The following KHDRBS2 variants were observed in gnomAD, a reference collection of about 807,000 sequenced individuals.
The protein encoded by KHDRBS2 is KH RNA binding domain containing, signal transduction associated 2, also known as KH domain-containing, RNA-binding, signal transduction-associated protein 2.
A neutral mutation model predicts 44.3 loss-of-function variants in KHDRBS2; 26 were observed. The ratio of observed to expected loss-of-function variants is 0.59; its 90% confidence interval spans 0.43 to 0.81. The LOEUF is 0.81. Among genes scored for constraint, KHDRBS2 ranks in the 40% least tolerant of loss-of-function variants. KHDRBS2 has a pLI of 0.00. For missense variants in KHDRBS2, 476 were observed against 433.1 expected, an observed-to-expected ratio of 1.10 and a Z score of -0.88; for synonymous variants, 194 against 151.1, an observed-to-expected ratio of 1.28 and a Z score of -2.08.
chr6:62,049,947 C>T (rs1562725355), intron 2 of KHDRBS2, among the ~76,000 whole-genome samples: 1 of 152,000 alleles, frequency 6.6e-6, no homozygotes. Flanking sequence ...TGGGTATATA[C>T]CCAAAGATCT....
chr6:62,019,458 A>G (rs1466891607), intron 3 of KHDRBS2, among the ~76,000 whole-genome samples: 3 of 152,124 alleles, frequency 2.0e-5, no homozygotes, highest in Non-Finnish European at 1.5e-5. Context: ...TGCTGGCATC[A>G]TAGAATGAAC....
chr6:61,592,771 A>T, the KHDRBS2 span, among the ~76,000 whole-genome samples: 1 of 152,142 alleles, frequency 6.6e-6, no homozygotes, highest in Non-Finnish European at 1.5e-5. Context: ...ATTGGCTTAG[A>T]GATTGTGAGA....
intron 6 of KHDRBS2, among the ~76,000 whole-genome samples, chr6:61,876,351 A>C (rs1157390688): frequency 6.6e-6 from 1 of 152,076 alleles, no homozygotes; most frequent in Non-Finnish European, 1.5e-5. Context: ...CAAGTAGTGC[A>C]CTTGTGTGAA....
In KHDRBS2 at chr6:61,893,997, C is replaced by G. The variant is rs1802470850; in HGVS notation, c.810+638G>C. On this transcript the variant is annotated intron_variant, in intron 6 of 8. Transcript: ENST00000281156. ...CACAATCTAGTCGGAGAAATGGACACAAGGACCACAATGTAATTAGTGGAA... is the reference window on the plus strand; with the variant it reads ...CACAATCTAGTCGGAGAAATGGACAGAAGGACCACAATGTAATTAGTGGAA... Among the ~76,000 whole-genome samples the G allele has an allele frequency of 2.0e-5, 3 of 151,670 alleles. No homozygotes were observed. The South Asian group carries it at 6.2e-4, about 31-fold the overall frequency.
At chr6:62,191,928 A>G (rs1315393173) in intron 1 of KHDRBS2, among the ~76,000 whole-genome samples, 1 of 152,128 alleles carries the variant, frequency 6.6e-6, no homozygotes, top group Non-Finnish European at 1.5e-5. Context: ...AACTTTTTTT[A>G]ACAACCTTAT....
At chr6:61,985,443 T>C (rs1774870651) in intron 3 of KHDRBS2, among the ~76,000 whole-genome samples, 1 of 152,190 alleles carries the variant, frequency 6.6e-6, no homozygotes. Context: ...TTAGAACTAC[T>C]AACTGTGGGA....
chr6:61,601,846 CAGTT>C, the KHDRBS2 span, among the ~76,000 whole-genome samples: 2 of 152,170 alleles, frequency 1.3e-5, no homozygotes, highest in African/African-American at 4.8e-5. Context: ...GTCCAGCTTA[CAGTT>C]TCATTCCGTG....
rs962391233 is a variant in KHDRBS2, at chr6:62,130,324, C to A, written c.219+46861G>T. On this transcript the variant is annotated intron_variant, in intron 2 of 8. Transcript: ENST00000281156. ...CCTCACCAATAATCATCCAGAGGTC[C>A]GCTGCATAGTGCAGGATTCAAGAGC... Among the ~76,000 whole-genome samples, 3 of 152,068 alleles carry A rather than the reference C, an allele frequency of 2.0e-5. No homozygotes were observed. The East Asian group carries it at 5.8e-4, about 29-fold the overall frequency.
intron 6 of KHDRBS2, among the ~76,000 whole-genome samples, chr6:61,825,986 T>C (rs1273668291): frequency 1.3e-5 from 2 of 152,164 alleles, no homozygotes; most frequent in African/African-American, 4.8e-5. Flanking sequence ...TGCCAACACT[T>C]GGATGATTTC....
chr6:61,966,937 CT>C (rs1770093514), intron 4 of KHDRBS2, among the ~76,000 whole-genome samples: 2 of 151,634 alleles, frequency 1.3e-5, no homozygotes, highest in Non-Finnish European at 2.9e-5. Context: ...CTAATTTAAA[CT>C]AAAAACATTC....
intron 1 of KHDRBS2, among the ~76,000 whole-genome samples, chr6:62,270,165 CCAT>C (rs1293490184): frequency 6.6e-6 from 1 of 152,008 alleles, no homozygotes; most frequent in African/African-American, 2.4e-5. Flanking sequence ...GTGTTTGGAT[CCAT>C]GGGAGTGGAT....
chr6:62,225,816 C>A (rs1049689736), intron 1 of KHDRBS2, among the ~76,000 whole-genome samples: 1 of 151,580 alleles, frequency 6.6e-6, no homozygotes, highest in African/African-American at 2.4e-5. Flanking sequence ...TGTTAGTTTA[C>A]TTAGGATGAT....
chr6:62,160,694 G>C (rs1227681216), intron 2 of KHDRBS2, among the ~76,000 whole-genome samples: 1 of 152,058 alleles, frequency 6.6e-6, no homozygotes, highest in Non-Finnish European at 1.5e-5. Context: ...ACCTAGGCCA[G>C]GTAATAGCTC....
At chr6:61,806,765 A>G (rs1305292810) in intron 6 of KHDRBS2, among the ~76,000 whole-genome samples, 3 of 152,084 alleles carry the variant, frequency 2.0e-5, no homozygotes, top group South Asian at 2.1e-4. Flanking sequence ...CCTAATTTCT[A>G]TAGATACTGG....
At chr6:62,071,827 C>CT (rs899644207) in intron 2 of KHDRBS2, among the ~76,000 whole-genome samples, 3 of 152,078 alleles carry the variant, frequency 2.0e-5, no homozygotes, top group Admixed American at 6.6e-5. Flanking sequence ...AATGCGGGCT[C>CT]TTTTTTTGTT....
chr6:61,768,827 A>G (rs1345585404), intron 6 of KHDRBS2, among the ~76,000 whole-genome samples: 1 of 152,002 alleles, frequency 6.6e-6, no homozygotes, highest in African/African-American at 2.4e-5. Flanking sequence ...TTGGTCTTAT[A>G]AAAGTGCTTT....
At chr6:62,139,061 T>A (rs1159594300) in intron 2 of KHDRBS2, among the ~76,000 whole-genome samples, 1 of 152,156 alleles carries the variant, frequency 6.6e-6, no homozygotes, top group Non-Finnish European at 1.5e-5. Context: ...TTGCTTGATT[T>A]TTTTTTTAGA....
chr6:61,617,114 C>T, the KHDRBS2 span, among the ~76,000 whole-genome samples: 5 of 152,150 alleles, frequency 3.3e-5, no homozygotes, highest in Middle Eastern at 3.4e-3. Flanking sequence ...TTTCACCACA[C>T]GTAATTGGAC....
intron 6 of KHDRBS2, among the ~76,000 whole-genome samples, chr6:61,798,409 A>G (rs1178479277): frequency 6.6e-6 from 1 of 152,148 alleles, no homozygotes; most frequent in Non-Finnish European, 1.5e-5. Flanking sequence ...CACATTCTTT[A>G]CCAATAAAAA....
Sources: allele counts gnomAD v4.1 joint callset (sites outside exome capture counted in the v4.1 genomes callset), GRCh38; gene constraint gnomAD v4.1.1; transcripts MANE v1.5; gene names NCBI Gene and HGNC (gene_info 2026-07-23, HGNC 2026-07-21).